Variants in DDX11 observed in about 807,000 individuals in gnomAD.
The protein encoded by DDX11 is ATP-dependent DNA helicase DDX11.
DDX11 carries 72 observed loss-of-function variants against 125.2 expected under a neutral mutation model. The ratio of observed to expected loss-of-function variants is 0.58; its 90% CI spans 0.48 to 0.70. The LOEUF is 0.70. Ranked by LOEUF, DDX11 falls within the 30% of genes least tolerant of loss-of-function variation. The pLI, the probability that DDX11 is intolerant of heterozygous loss-of-function variation, is 0.00. For synonymous variants in DDX11, 347 were observed against 452.6 expected (o/e 0.77, Z 2.96); for missense variants, 883 against 1,165.0 (o/e 0.76, Z 3.52).
chr12:31,090,847 G>T (rs1290263664), intron 9 of DDX11, among the ~76,000 whole-genome samples: 2 of 152,208 alleles, frequency 1.3e-5, no homozygotes, highest in Admixed American at 6.5e-5. Flanking sequence ...AGCTGTGTGG[G>T]CACTGGCAGA....
chr12:31,101,282 C>T (rs533712484), intron 20 of DDX11, 152 bp downstream of exon 20: 11 of 706,594 alleles, frequency 1.6e-5, no homozygotes, highest in South Asian at 3.1e-5. Context: ...TGAGCGGCGT[C>T]GATCTAGATG....
intron 5 of DDX11, among the ~76,000 whole-genome samples, chr12:31,087,327 C>G (rs1943334804): frequency 6.6e-6 from 1 of 151,722 alleles, no homozygotes; most frequent in Non-Finnish European, 1.5e-5. Context: ...GCCACGGGGA[C>G]TCAGCAGAAA....
At position 31,091,607 on chromosome 12, in the gene DDX11, A is replaced by G. The variant is rs905271388; in HGVS notation, c.1090-112A>G. 2.5e-5 allele frequency: 31 copies of G among 1,242,130 alleles called. No individual in the cohort carries two copies. In the African/African-American group the frequency reaches 2.8e-4, roughly 11 times the overall value. 76.9% of individuals were successfully genotyped at this position (1,242,130 alleles called of 1,614,324 possible). ...CACAAGCTGTTTTTCGAATGTCTCT[A>G]CACAGTCCAGGCAGGAAATAGAAGC... On this transcript the variant is annotated intron_variant, in intron 9 of 26. Transcript: ENST00000542838.
At chr12:31,086,351 C>T (rs1943144360) in intron 5 of DDX11, 1 of 367,106 alleles carries the variant, frequency 2.7e-6, no homozygotes, top group African/African-American at 2.1e-5. Context: ...TTGATGTTCC[C>T]AGAGCTGACC....
At chr12:31,098,950 C>T (rs1460511908) in intron 18 of DDX11, among the ~76,000 whole-genome samples, 1 of 151,928 alleles carries the variant, frequency 6.6e-6, no homozygotes, top group Non-Finnish European at 1.5e-5. Flanking sequence ...GCTCTGGTTT[C>T]TTGTAATGGG....
At chr12:31,088,444 G>C (rs1267575130) in intron 6 of DDX11, among the ~76,000 whole-genome samples, 1 of 152,168 alleles carries the variant, frequency 6.6e-6, no homozygotes, top group Middle Eastern at 3.2e-3. Flanking sequence ...CCTGCCCTTT[G>C]GGTCTCTCAT....
At chr12:31,089,849 T>A in intron 8 of DDX11, 37 bp from the exon 9 acceptor site, 2 of 1,609,760 alleles carry the variant, frequency 1.2e-6, no homozygotes, top group Non-Finnish European at 1.7e-6. Flanking sequence ...GTTGCTGTCC[T>A]CTCTGTTTTC....
rs1592718823 is a variant in DDX11, at chr12:31,093,232, G to A, written c.1290-13G>A. 1.2e-6 allele frequency: 2 copies of A among 1,610,342 alleles called. No individual in the cohort carries two copies. Among genetic ancestry groups the A allele is most frequent in the African/African-American group, 2.7e-5 (2 of 74,808 alleles). ...AGGGCACCACCACTTAATGTCCGTT[G>A]GCTTCTTCTCAGGAAGCGTTTGAAG... On this transcript the variant is annotated splice_polypyrimidine_tract_variant and intron_variant, in intron 11 of 26. Coordinates refer to ENST00000542838, the MANE Select transcript of DDX11 (RefSeq NM_030653.4).
intron 12 of DDX11, 193 bp from the exon 13 acceptor site, chr12:31,094,397 A>C (rs1161329853): frequency 1.3e-5 from 12 of 908,652 alleles, no homozygotes; most frequent in Admixed American, 2.4e-5. Context: ...CGTGAGTCAG[A>C]CATGGGAGGC....
Position 31,104,093 on chromosome 12 carries a change from C to T in DDX11, c.*257C>T. The T allele has an allele frequency of 2.6e-6, 4 of 1,512,906 alleles. No homozygotes were observed. The Admixed American group carries it at 8.4e-5, about 32-fold the overall frequency. 93.7% of individuals were successfully genotyped at this position (1,512,906 alleles called of 1,614,324 possible). A position where few individuals can be genotyped will look rare whatever the true frequency, so the allele number is the denominator to read the frequency against. ...GGCAGCTCCCCTCCTGGAATAGAATCTTTCTTTCCATCCTGCATGGCTGAG... is the reference window on the plus strand; with the variant it reads ...GGCAGCTCCCCTCCTGGAATAGAATTTTTCTTTCCATCCTGCATGGCTGAG... On this transcript the variant is annotated 3_prime_UTR_variant, in exon 27 of 27. Coordinates refer to ENST00000542838, the MANE Select transcript of DDX11 (RefSeq NM_030653.4).
Position 31,084,052 on chromosome 12 carries a change from C to T in DDX11, c.384C>T (p.Asp128=), listed in dbSNP as rs745342663. ...VQKKEERDLV[D]RLKAEQARRK... is the part of the protein sequence containing the mutation. ...AGAAAGAAGAGAGGGACCTGGTGGA[C>T]CGACTAAAGGTGAGACCTGGGGTAT... Residue 128 remains aspartate (D), a synonymous_variant, in exon 3 of 27, where the codon GAC becomes GAT. Coordinates refer to ENST00000542838, the MANE Select transcript of DDX11 (RefSeq NM_030653.4). 7 of 1,613,882 alleles carry T rather than the reference C, an allele frequency of 4.3e-6. No homozygotes were observed. The Admixed American group carries it at 1.2e-4, about 27-fold the overall frequency.
In DDX11 at chr12:31,098,140, G is replaced by A. The variant is rs1945652955; in HGVS notation, c.1875+143G>A. ...CGAGCAGGCCCAGTGGTGTCCGCTG[G>A]GTGACACTGCTATTCTCTCACTGCT... On this transcript the variant is annotated intron_variant, in intron 18 of 26. Transcript: ENST00000542838. 8.6e-6 allele frequency: 5 copies of A among 583,408 alleles called. No individual in the cohort carries two copies. The South Asian group carries it at 8.8e-5, about 10-fold the overall frequency. The allele number at this position is 583,408 out of a possible 1,614,324, so 36.1% of individuals were successfully genotyped here.
At chr12:31,075,832 G>T (rs908584336) in intron 1 of DDX11, among the ~76,000 whole-genome samples, 2 of 152,172 alleles carry the variant, frequency 1.3e-5, no homozygotes, top group Non-Finnish European at 1.5e-5. Context: ...GAATAAATAG[G>T]TTCAGATGGT....
intron 1 of DDX11, among the ~76,000 whole-genome samples, chr12:31,077,497 G>A (rs772994739): frequency 2.0e-5 from 3 of 151,746 alleles, no homozygotes; most frequent in East Asian, 2.0e-4. Flanking sequence ...GGCTCTGTTC[G>A]GTGCTGGAAA....
In DDX11 at chr12:31,096,750, G is replaced by A; in HGVS notation, c.1630+5G>A. 1.2e-6 allele frequency: 2 copies of A among 1,614,214 alleles called. No individual in the cohort carries two copies. The highest frequency in any genetic ancestry group is 1.1e-5 in the South Asian group (1 of 91,090). The stretch of plus-strand genomic sequence containing the variant: ...TGCAGCCCAGGACGACTGAAGGTGA[G>A]GCAGGAGGGTGGGCAGGCAGAGCCG... On this transcript the variant is annotated splice_donor_5th_base_variant and intron_variant, in intron 16 of 26. Coordinates refer to ENST00000542838, the MANE Select transcript of DDX11 (RefSeq NM_030653.4).
chr12:31,083,916 C>G lies in DDX11; in HGVS notation c.248C>G (p.Pro83Arg). The G allele has an allele frequency of 6.2e-7, 1 of 1,613,932 alleles. No individual in the cohort carries two copies. The highest frequency in any genetic ancestry group is 8.5e-7 in the Non-Finnish European group (1 of 1,179,868). Residue 83 changes from proline to arginine, a missense_variant, in exon 3 of 27, where the codon CCC becomes CGC. By Grantham distance (103) the Pro-to-Arg change is moderately radical. This residue lies in a region of DDX11 where 283 missense variants were observed against 359.6 expected (regional missense o/e 0.79). Transcript: ENST00000542838. ...CGACTCCTTGAAACTGGAACTGGCC[C>G]CTTACATGATGAGAAAGATGAATCC... Reference protein sequence around the residue: ...EARLLETGTGPLHDEKDESLC... With the variant: ...EARLLETGTGRLHDEKDESLC...
chr12:31,100,673 G>C lies in DDX11; in HGVS notation c.1914G>C (p.Gly638=), dbSNP rs763819207. 3.7e-5 allele frequency: 57 copies of C among 1,552,992 alleles called. No individual in the cohort carries two copies. The highest frequency in any genetic ancestry group is 4.8e-5 in the Non-Finnish European group (55 of 1,147,596). ...DFRQQLLACA[G]VEAERVVEFS... ...GGCAGCAGCTGCTGGCCTGTGCCGG[G>C]GTGGAAGCTGAGCGCGTGGTGGAGT... Residue 638 remains glycine (G), a synonymous_variant, in exon 19 of 27, where the codon GGG becomes GGC. Transcript: ENST00000542838.
At chr12:31,093,533 T>C in intron 12 of DDX11, 2 of 702,624 alleles carry the variant, frequency 2.8e-6, no homozygotes, top group Non-Finnish European at 5.0e-6. Flanking sequence ...CTGGCCAACA[T>C]GGTGAAATCC....
intron 5 of DDX11, chr12:31,086,059 C>G (rs1296935247): frequency 2.2e-6 from 1 of 454,348 alleles, no homozygotes; most frequent in East Asian, 7.0e-5. Context: ...CCGCCATCCA[C>G]CAGACGCCAG....
Sources: gnomAD v4.1 joint callset for allele counts (sites outside exome capture counted in the v4.1 genomes callset) on GRCh38, gnomAD v4.1.1 for gene constraint, gnomAD v4.1.1 regional missense constraint, MANE v1.5 for transcripts, NCBI Gene and HGNC (gene_info 2026-07-23, HGNC 2026-07-21) for gene names.